MYO3B: variants seen among roughly 807,000 people sequenced by gnomAD.
The protein encoded by MYO3B is myosin IIIB, also known as myosin-IIIb.
MYO3B carries 156 observed loss-of-function variants against 174.6 expected under a neutral mutation model. The observed-to-expected ratio is 0.89, with a 90% confidence interval of 0.78 to 1.02. The LOEUF (loss-of-function observed/expected upper bound fraction) is 1.02, where lower values mean the gene tolerates loss of function less well. MYO3B is among the 50% of genes least tolerant of loss of function. MYO3B has a pLI of 0.00. For synonymous variants in MYO3B, 563 were observed against 569.1 expected (o/e 0.99, Z 0.15); for missense variants, 1,632 against 1,639.4 (o/e 1.00, Z 0.08).
At chr2:170,643,355 G>C (rs1027728037) in intron 32 of MYO3B, among the ~76,000 whole-genome samples, 9 of 152,300 alleles carry the variant, frequency 5.9e-5, no homozygotes, top group Admixed American at 5.9e-4. Context: ...TATTTCATGG[G>C]AGTATCCACT....
At chr2:170,453,453 C>CACACACACACACGA (rs749891550) in intron 23 of MYO3B, among the ~76,000 whole-genome samples, 72 of 123,050 alleles carry the variant, frequency 5.9e-4, no homozygotes, top group African/African-American at 1.8e-3. Context: ...CACACACACA[C>CACACACACACACGA]GAGAGAGAGA....
chr2:170,405,918 G>C (rs1435076787), intron 21 of MYO3B, among the ~76,000 whole-genome samples: 1 of 152,112 alleles, frequency 6.6e-6, no homozygotes, highest in African/African-American at 2.4e-5. Context: ...ACACATTACA[G>C]CTTTTTGCGG....
intron 7 of MYO3B, among the ~76,000 whole-genome samples, chr2:170,263,133 G>C (rs1317602572): frequency 6.6e-6 from 1 of 152,156 alleles, no homozygotes; most frequent in Non-Finnish European, 1.5e-5. Flanking sequence ...ACACTTAGCA[G>C]CTTAAATAAC....
chr2:170,560,717 G>T (rs1377421727), intron 32 of MYO3B, among the ~76,000 whole-genome samples: 4 of 152,070 alleles, frequency 2.6e-5, no homozygotes, highest in Non-Finnish European at 5.9e-5. Context: ...ACAATGGCTG[G>T]GTTCTCCCAA....
intron 1 of MYO3B, among the ~76,000 whole-genome samples, chr2:170,196,275 G>T (rs2092599028): frequency 6.6e-6 from 1 of 152,180 alleles, no homozygotes; most frequent in Non-Finnish European, 1.5e-5. Flanking sequence ...GGGAAGCTGA[G>T]TCAGGAGGAT....
intron 25 of MYO3B, among the ~76,000 whole-genome samples, chr2:170,478,173 G>A (rs1685430538): frequency 6.6e-6 from 1 of 152,046 alleles, no homozygotes; most frequent in Non-Finnish European, 1.5e-5. Flanking sequence ...CTAGCTTCAG[G>A]GAGAGGCTTA....
chr2:170,393,340 TCCC>T (rs2094426115), intron 16 of MYO3B, among the ~76,000 whole-genome samples: 3 of 152,036 alleles, frequency 2.0e-5, no homozygotes, highest in Admixed American at 6.6e-5. Flanking sequence ...TGCCTCAGCC[TCCC>T]AAAGTGCTGG....
intron 25 of MYO3B, among the ~76,000 whole-genome samples, chr2:170,492,854 G>A (rs1274656184): frequency 6.6e-6 from 1 of 152,210 alleles, no homozygotes; most frequent in African/African-American, 2.4e-5. Context: ...AGTAGAACCA[G>A]AGCAAAGACC....
chr2:170,330,991 G>A (rs963710879), intron 7 of MYO3B, among the ~76,000 whole-genome samples: 2 of 152,170 alleles, frequency 1.3e-5, no homozygotes, highest in African/African-American at 2.4e-5. Context: ...AATTTACCGA[G>A]TATTTCTGTG....
At chr2:170,519,116 C>T (rs905221559) in intron 29 of MYO3B, among the ~76,000 whole-genome samples, 2 of 152,104 alleles carry the variant, frequency 1.3e-5, no homozygotes, top group Admixed American at 6.5e-5. Flanking sequence ...AGTGTTGTTC[C>T]AGCTGTTGTA....
chr2:170,382,910 G>A (rs956319388), intron 10 of MYO3B, 163 bp from the exon 11 acceptor site: 1 of 538,450 alleles, frequency 1.9e-6, no homozygotes, highest in Non-Finnish European at 3.3e-6. Context: ...TATTGGCATT[G>A]TTTTAATGAA....
At chr2:170,198,893 C>G (rs552718473) in intron 1 of MYO3B, among the ~76,000 whole-genome samples, 3 of 152,124 alleles carry the variant, frequency 2.0e-5, no homozygotes, top group African/African-American at 7.2e-5. Context: ...AGCAGCCTAT[C>G]AAGACAACTG....
intron 32 of MYO3B, among the ~76,000 whole-genome samples, chr2:170,611,631 C>G (rs961417079): frequency 3.5e-4 from 54 of 152,124 alleles, no homozygotes; most frequent in African/African-American, 1.2e-3. Context: ...AATTCAAAAG[C>G]CTCCTACTAC....
chr2:170,199,332 A>C lies in MYO3B; in HGVS notation c.127A>C (p.Lys43Gln). ...IGKGTYGKVY[K>Q]VTNKRDGSLA... ...TAAAGGCACCTATGGCAAAGTCTAC[A>C]AGGTAACTAACAAGAGAGATGGGAG... The change falls in exon 2 of 35, where the codon AAG becomes CAG. Residue 43 changes from lysine to glutamine, a missense_variant. By Grantham distance (53) the Lys-to-Gln change is moderately conservative (BLOSUM62 1). Transcript: ENST00000408978. 1 of 1,613,520 alleles carries C rather than the reference A, an allele frequency of 6.2e-7. No individual in the cohort carries two copies. Among genetic ancestry groups the C allele is most frequent in the Non-Finnish European group, 8.5e-7 (1 of 1,179,668 alleles).
chr2:170,392,576 G>A (rs528444458), intron 16 of MYO3B, 81 bp downstream of exon 16: 2 of 930,662 alleles, frequency 2.1e-6, no homozygotes, highest in Non-Finnish European at 3.1e-6. Flanking sequence ...TCTCACTTGG[G>A]ATAAGACACT....
Position 170,307,876 on chromosome 2 carries a change from G to A in MYO3B, c.750-27509G>A, listed in dbSNP as rs1260963792. On this transcript the variant is annotated intron_variant, in intron 7 of 34. Transcript: ENST00000408978. Reference sequence around the variant, plus strand: ...GGTTGTAACTTCTGGGTTGTTGTCAGGGAATGGGTGAACTGTCATGGCTTT... The same window carrying A: ...GGTTGTAACTTCTGGGTTGTTGTCAAGGAATGGGTGAACTGTCATGGCTTT... Among the ~76,000 whole-genome samples the A allele has an allele frequency of 2.0e-5, 3 of 152,206 alleles. No individual in the cohort carries two copies. In the East Asian group the frequency reaches 5.8e-4, roughly 29 times the overall value.
chr2:170,418,882 CT>C (rs2094597991), intron 22 of MYO3B, among the ~76,000 whole-genome samples: 1 of 151,974 alleles, frequency 6.6e-6, no homozygotes, highest in Non-Finnish European at 1.5e-5. Context: ...AATATATAAC[CT>C]TTCCCTTTGT....
intron 7 of MYO3B, among the ~76,000 whole-genome samples, chr2:170,311,640 T>G (rs947981335): frequency 1.3e-5 from 2 of 152,116 alleles, no homozygotes; most frequent in African/African-American, 4.8e-5. Context: ...TTTCTTTTGT[T>G]GCTTGTGCTT....
chr2:170,460,623 C>T (rs1684227583), intron 23 of MYO3B, among the ~76,000 whole-genome samples: 1 of 151,686 alleles, frequency 6.6e-6, no homozygotes, highest in African/African-American at 2.4e-5. Context: ...TACTTTATTT[C>T]CAAACATCAC....
Sources: allele counts gnomAD v4.1 joint callset (sites outside exome capture counted in the v4.1 genomes callset), GRCh38; gene constraint gnomAD v4.1.1; transcripts MANE v1.5; gene names NCBI Gene and HGNC (gene_info 2026-07-23, HGNC 2026-07-21).